DGKB: variants seen among roughly 807,000 people sequenced by gnomAD.
DGKB encodes the protein diacylglycerol kinase beta, also known as 90 kDa diacylglycerol kinase.
DGKB carries 67 observed loss-of-function variants against 114.3 expected under a neutral mutation model. The ratio of observed to expected loss-of-function variants is 0.59; its 90% CI spans 0.48 to 0.72. The LOEUF (loss-of-function observed/expected upper bound fraction) is 0.72, where lower values mean the gene tolerates loss of function less well. Ranked by LOEUF, DGKB falls within the 30% of genes least tolerant of loss-of-function variation. The pLI is 0.00. For synonymous variants in DGKB, 398 were observed against 323.1 expected, an observed-to-expected ratio of 1.23 and a Z score of -2.49; for missense variants, 907 against 975.2, an observed-to-expected ratio of 0.93 and a Z score of 0.93.
At chr7:14,924,675 ATTGTT>A (rs1284295015) in intron 1 of DGKB, among the ~76,000 whole-genome samples, 3 of 151,952 alleles carry the variant, frequency 2.0e-5, no homozygotes, top group African/African-American at 7.2e-5. Context: ...TTATTTCTAG[ATTGTT>A]TTGTTTCAAT....
chr7:14,902,992 C>G (rs1248389638), upstream of DGKB: 1 of 152,160 alleles, frequency 6.6e-6, no homozygotes, highest in Non-Finnish European at 1.5e-5. Flanking sequence ...TCTCACTCCT[C>G]CCACTTCATC....
chr7:14,346,386 A>C (rs571101662), intron 21 of DGKB, among the ~76,000 whole-genome samples: 2 of 151,922 alleles, frequency 1.3e-5, no homozygotes, highest in African/African-American at 2.4e-5. Flanking sequence ...TCTCTGATAT[A>C]AAATTATAAA....
chr7:14,825,030 A>ATGTG (rs1339479248), intron 2 of DGKB, among the ~76,000 whole-genome samples: 3 of 138,592 alleles, frequency 2.2e-5, no homozygotes, highest in African/African-American at 5.4e-5. Flanking sequence ...ATATATATAT[A>ATGTG]TATATATATA....
At chr7:14,459,052 CG>C (rs1302100215) in intron 21 of DGKB, among the ~76,000 whole-genome samples, 4 of 152,146 alleles carry the variant, frequency 2.6e-5, no homozygotes, top group Admixed American at 2.6e-4. Context: ...CTTGAGTAGG[CG>C]GTTTTACCCT....
intron 23 of DGKB, among the ~76,000 whole-genome samples, chr7:14,241,406 A>G (rs554193718): frequency 5.9e-5 from 9 of 152,080 alleles, no homozygotes; most frequent in Non-Finnish European, 1.3e-4. Flanking sequence ...ATCCTAATAT[A>G]CTATAATTAA....
chr7:14,372,743 G>A (rs1817860539), intron 21 of DGKB, among the ~76,000 whole-genome samples: 1 of 151,614 alleles, frequency 6.6e-6, no homozygotes, highest in African/African-American at 2.4e-5. Context: ...ATACTTTCCT[G>A]GAAAACTATA....
intron 21 of DGKB, among the ~76,000 whole-genome samples, chr7:14,420,291 T>C (rs1826456516): frequency 6.6e-6 from 1 of 151,946 alleles, no homozygotes; most frequent in African/African-American, 2.4e-5. Context: ...CATTGTGATA[T>C]GGCTCAAAAA....
intron 1 of DGKB, among the ~76,000 whole-genome samples, chr7:14,923,191 C>A (rs740832): frequency 0.18 from 27,862 of 152,080 alleles, 4,097 homozygotes; most frequent in East Asian, 0.77. Flanking sequence ...TTTATATTTT[C>A]TTTGGTATTT....
At chr7:14,213,869 T>A (rs1003795921) in intron 23 of DGKB, among the ~76,000 whole-genome samples, 1 of 152,186 alleles carries the variant, frequency 6.6e-6, no homozygotes, top group Non-Finnish European at 1.5e-5. Context: ...TAAGTGATAG[T>A]AATAAATGTT....
chr7:14,609,446 A>C (rs955246379), intron 16 of DGKB, among the ~76,000 whole-genome samples: 3 of 152,078 alleles, frequency 2.0e-5, no homozygotes, highest in African/African-American at 7.2e-5. Flanking sequence ...CTAAAAGAAA[A>C]CCTAGGAAAT....
chr7:14,696,290 G>A (rs868183729), intron 8 of DGKB, among the ~76,000 whole-genome samples: 1 of 151,472 alleles, frequency 6.6e-6, no homozygotes, highest in Non-Finnish European at 1.5e-5. Context: ...TCAGGAGATC[G>A]AGACCATCCT....
chr7:14,511,472 G>A (rs887533483), intron 20 of DGKB, among the ~76,000 whole-genome samples: 4 of 152,170 alleles, frequency 2.6e-5, no homozygotes, highest in African/African-American at 9.7e-5. Flanking sequence ...GAGAGTTAGG[G>A]TCTTGCTCTG....
chr7:14,244,603 C>T (rs1022472598), intron 23 of DGKB, among the ~76,000 whole-genome samples: 1 of 133,900 alleles, frequency 7.5e-6, no homozygotes, highest in African/African-American at 2.8e-5. Context: ...CTGGGAGGCG[C>T]GGGTTGCAGT....
At chr7:14,425,540 T>C (rs557903441) in intron 21 of DGKB, among the ~76,000 whole-genome samples, 2 of 152,292 alleles carry the variant, frequency 1.3e-5, no homozygotes, top group East Asian at 3.9e-4. Flanking sequence ...CTCAAGCTAC[T>C]ACTGGAACAC....
intron 23 of DGKB, among the ~76,000 whole-genome samples, chr7:14,275,227 A>C (rs139822867): frequency 1.3e-5 from 2 of 152,198 alleles, no homozygotes; most frequent in African/African-American, 2.4e-5. Context: ...TTAAATGTGC[A>C]TATCTTCTCA....
At chr7:14,972,044 C>A (rs991153909) in intron 1 of DGKB, among the ~76,000 whole-genome samples, 1 of 151,982 alleles carries the variant, frequency 6.6e-6, no homozygotes, top group Non-Finnish European at 1.5e-5. Flanking sequence ...CCATGCCTGA[C>A]CTATTGAAGG....
At position 14,300,593 on chromosome 7, in the gene DGKB, T is replaced by A. The variant is rs892998859; in HGVS notation, c.2122+37922A>T. ...CTTATAAATCTCTGAATACCTGCAG[T>A]CAAATTTAAATATTCTCTTAGTTTT... On this transcript the variant is annotated intron_variant, in intron 23 of 25. Coordinates refer to ENST00000402815, the MANE Select transcript of DGKB (RefSeq NM_001350709.2). Among the ~76,000 whole-genome samples, 3 of 152,128 alleles carry A rather than the reference T, an allele frequency of 2.0e-5. No individual in the cohort carries two copies. The East Asian group carries it at 5.8e-4, about 29-fold the overall frequency.
At chr7:14,224,357 A>G (rs894749145) in intron 23 of DGKB, among the ~76,000 whole-genome samples, 1 of 151,976 alleles carries the variant, frequency 6.6e-6, no homozygotes, top group Non-Finnish European at 1.5e-5. Flanking sequence ...ATTTTTATGT[A>G]TAATGTATTG....
rs56032330 is a variant in DGKB at position 14,923,983 on chromosome 7, C to CAAAAAAAAAAAAAA, written c.-188+50699_-188+50712dup. Among the ~76,000 whole-genome samples the CAAAAAAAAAAAAAA allele has an allele frequency of 6.2e-3, 468 of 76,064 alleles. 34 individuals are homozygous for CAAAAAAAAAAAAAA. The highest frequency in any genetic ancestry group is 0.047 in the East Asian group (65 of 1,380). The allele number at this position is 76,064 out of a possible 152,430, so 49.9% of individuals were successfully genotyped here. A position where few individuals can be genotyped will look rare whatever the true frequency, so the allele number is the denominator to read the frequency against. On this transcript the variant is annotated intron_variant, in intron 1 of 4. Transcript: ENST00000437998. ...TGGGCAACACAGTGAAGCTCCATCT[C>CAAAAAAAAAAAAAA]AAAAAAAAAAAAAAAAAAAAAGCTT...
Sources: gnomAD v4.1 joint callset for allele counts (sites outside exome capture counted in the v4.1 genomes callset) on GRCh38, gnomAD v4.1.1 for gene constraint, MANE v1.5 for transcripts, NCBI Gene and HGNC (gene_info 2026-07-23, HGNC 2026-07-21) for gene names.